The following GRIK2 variants were observed in gnomAD, a reference collection of about 807,000 sequenced individuals.
GRIK2 encodes the protein glutamate ionotropic receptor kainate type subunit 2, also known as glutamate receptor ionotropic, kainate 2.
GRIK2 carries 32 observed loss-of-function variants against 100.3 expected under a neutral mutation model. The ratio of observed to expected loss-of-function variants is 0.32; its 90% CI spans 0.24 to 0.43. The LOEUF (loss-of-function observed/expected upper bound fraction) is 0.43. GRIK2 is among the 20% of genes least tolerant of loss of function. GRIK2 has a pLI of 1.00. For synonymous variants in GRIK2, 417 were observed against 389.4 expected (o/e 1.07, Z -0.83); for missense variants, 843 against 1,114.9 (o/e 0.76, Z 3.47).
chr6:101,445,110 ACTC>A (rs1342792378), intron 2 of GRIK2, among the ~76,000 whole-genome samples: 3 of 152,008 alleles, frequency 2.0e-5, no homozygotes, highest in Middle Eastern at 3.4e-3. Flanking sequence ...GGCTCAGAAT[ACTC>A]CTTGATCTGC....
At chr6:101,463,564 C>G (rs182767507) in intron 2 of GRIK2, among the ~76,000 whole-genome samples, 1 of 152,070 alleles carries the variant, frequency 6.6e-6, no homozygotes. Context: ...AACATACTGC[C>G]TGGTCTTTTG....
chr6:101,964,242 AAC>A (rs1373386554), intron 14 of GRIK2, among the ~76,000 whole-genome samples: 3 of 151,566 alleles, frequency 2.0e-5, no homozygotes, highest in Non-Finnish European at 4.4e-5. Context: ...AAACAATGCT[AAC>A]ACATATATGT....
rs1471878186 is a variant in GRIK2 at position 101,744,307 on chromosome 6, G to T, written c.952-55341G>T. Among the ~76,000 whole-genome samples the T allele has an allele frequency of 2.0e-5, 3 of 151,760 alleles. No homozygotes were observed. In the East Asian group the frequency reaches 5.8e-4, roughly 30 times the overall value. The stretch of plus-strand genomic sequence containing the variant: ...TTCCTCTGAGTCTCCAAAGTCCAAT[G>T]TGTCATTCTTATGCCTTTGGCTCTT... On this transcript the variant is annotated intron_variant, in intron 7 of 16. Transcript: ENST00000369134.
intron 2 of GRIK2, among the ~76,000 whole-genome samples, chr6:101,514,388 G>A (rs985289877): frequency 1.1e-4 from 17 of 151,988 alleles, no homozygotes; most frequent in African/African-American, 3.9e-4. Flanking sequence ...CAAGAAGGAA[G>A]AAGAAAGCAG....
At chr6:101,460,087 A>C (rs1288578773) in intron 2 of GRIK2, among the ~76,000 whole-genome samples, 2 of 152,078 alleles carry the variant, frequency 1.3e-5, no homozygotes, top group African/African-American at 4.8e-5. Flanking sequence ...CACAACTTCC[A>C]AATTCTGCCT....
At chr6:101,700,442 T>TA (rs1453325113) in intron 7 of GRIK2, among the ~76,000 whole-genome samples, 2 of 152,032 alleles carry the variant, frequency 1.3e-5, no homozygotes, top group Non-Finnish European at 2.9e-5. Context: ...AGGAAGAAGA[T>TA]AATGGAAAGC....
At chr6:101,623,618 G>C (rs578093082) in intron 3 of GRIK2, among the ~76,000 whole-genome samples, 1 of 151,980 alleles carries the variant, frequency 6.6e-6, no homozygotes, top group Non-Finnish European at 1.5e-5. Context: ...ACACAGGTTC[G>C]GATGTTCTCA....
chr6:102,000,073 A>G (rs1338671431), intron 14 of GRIK2, among the ~76,000 whole-genome samples: 1 of 151,958 alleles, frequency 6.6e-6, no homozygotes, highest in Non-Finnish European at 1.5e-5. Context: ...AACCTTTTAC[A>G]TCTATGTTCA....
At chr6:101,720,205 TGA>T (rs1040654451) in intron 7 of GRIK2, among the ~76,000 whole-genome samples, 1 of 151,938 alleles carries the variant, frequency 6.6e-6, no homozygotes, top group African/African-American at 2.4e-5. Flanking sequence ...AACATGATTA[TGA>T]GACAGACCCA....
chr6:101,821,667 C>CT (rs1210795288), intron 10 of GRIK2, among the ~76,000 whole-genome samples: 1 of 151,792 alleles, frequency 6.6e-6, no homozygotes, highest in African/African-American at 2.4e-5. Flanking sequence ...AAAAAAATTC[C>CT]TTTTTCTGAA....
chr6:101,424,463 T>TC (rs1245919079), intron 2 of GRIK2, among the ~76,000 whole-genome samples: 4 of 151,742 alleles, frequency 2.6e-5, no homozygotes, highest in African/African-American at 9.7e-5. Context: ...AATGATGGTT[T>TC]CCAGCTTCAT....
intron 11 of GRIK2, among the ~76,000 whole-genome samples, chr6:101,865,720 C>G (rs1364235494): frequency 6.6e-6 from 1 of 151,740 alleles, no homozygotes; most frequent in Admixed American, 6.6e-5. Flanking sequence ...AAACCCGTCT[C>G]TACTAAAAAT....
intron 7 of GRIK2, among the ~76,000 whole-genome samples, chr6:101,792,486 T>G (rs1779947769): frequency 1.3e-5 from 2 of 151,912 alleles, no homozygotes. Context: ...TGGCTGGATA[T>G]GAAATTCTGG....
intron 15 of GRIK2, among the ~76,000 whole-genome samples, chr6:102,049,274 T>C (rs1266245997): frequency 1.3e-5 from 2 of 152,026 alleles, no homozygotes; most frequent in Non-Finnish European, 2.9e-5. Context: ...GGAGAGTACA[T>C]AGGGTCAGAC....
At chr6:101,836,850 G>A (rs1783154761) in intron 10 of GRIK2, among the ~76,000 whole-genome samples, 1 of 151,474 alleles carries the variant, frequency 6.6e-6, no homozygotes, top group Admixed American at 6.6e-5. Flanking sequence ...ATTTTTAGTA[G>A]AGATGGGGTT....
intron 12 of GRIK2, among the ~76,000 whole-genome samples, chr6:101,899,082 G>T (rs1196941358): frequency 6.7e-6 from 1 of 149,028 alleles, no homozygotes. Context: ...GAAAGAGAGA[G>T]GTTTCTTTTT....
intron 7 of GRIK2, among the ~76,000 whole-genome samples, chr6:101,769,888 A>C (rs1197924809): frequency 6.6e-6 from 1 of 152,184 alleles, no homozygotes; most frequent in East Asian, 1.9e-4. Context: ...TTCTGAAATA[A>C]TTACCTTTGG....
chr6:101,619,499 A>G (rs1780044886), intron 2 of GRIK2, among the ~76,000 whole-genome samples: 1 of 152,016 alleles, frequency 6.6e-6, no homozygotes, highest in South Asian at 2.1e-4. Flanking sequence ...ATTCAATATT[A>G]TAACTGGGTA....
chr6:101,739,511 G>C (rs1349423300), intron 7 of GRIK2, among the ~76,000 whole-genome samples: 1 of 152,100 alleles, frequency 6.6e-6, no homozygotes, highest in Non-Finnish European at 1.5e-5. Context: ...AGGACCCTGG[G>C]CAAAGTACTT....
Sources: gnomAD v4.1 joint callset for allele counts (sites outside exome capture counted in the v4.1 genomes callset) on GRCh38, gnomAD v4.1.1 for gene constraint, MANE v1.5 for transcripts, NCBI Gene and HGNC (gene_info 2026-07-23, HGNC 2026-07-21) for gene names.